FAT1: variants seen among roughly 807,000 people sequenced by gnomAD.
The protein encoded by FAT1 is FAT atypical cadherin 1.
FAT1 carries 171 observed loss-of-function variants against 329.8 expected under a neutral mutation model. That is an observed-to-expected ratio of 0.52 (90% CI 0.46 to 0.59). FAT1 has a LOEUF of 0.59. Ranked by LOEUF, FAT1 falls within the 20% of genes least tolerant of loss-of-function variation. The pLI, the probability that FAT1 is intolerant of heterozygous loss-of-function variation, is 0.00. For synonymous variants in FAT1, 2,233 were observed against 2,228.6 expected (o/e 1.00, Z -0.06); for missense variants, 5,672 against 5,774.4 (o/e 0.98, Z 0.57).
chr4:186,664,822 G>C (rs1221232544), intron 2 of FAT1, among the ~76,000 whole-genome samples: 3 of 152,156 alleles, frequency 2.0e-5, no homozygotes, highest in Admixed American at 1.3e-4. Context: ...CTCTGGAAAT[G>C]CTGAAGCTCT....
chr4:186,659,380 G>A (rs1742060924), intron 3 of FAT1, among the ~76,000 whole-genome samples: 1 of 152,216 alleles, frequency 6.6e-6, no homozygotes, highest in African/African-American at 2.4e-5. Flanking sequence ...TTCTCTAGCT[G>A]CTGGACGTTT....
rs1205887924 is a variant in FAT1, at chr4:186,618,778, A to G, written c.7808T>C (p.Val2603Ala). 3.1e-6 allele frequency: 5 copies of G among 1,613,986 alleles called. No homozygotes were observed. ...APQFRATKYE[V>A]NIGSSAAKGT... is the part of the protein sequence containing the mutation. ...TTTAGCAGCACTGGACCCGATATTC[A>G]CTTCGTATTTGGTTGCTCGAAATTG... The change falls in exon 10 of 27, where the codon GTG (valine) becomes GCG (alanine). Residue 2603 changes from valine (V) to alanine (A), a missense_variant. By Grantham distance (64) the Val-to-Ala change is moderately conservative (BLOSUM62 0). Coordinates refer to ENST00000441802, the MANE Select transcript of FAT1 (RefSeq NM_005245.4).
chr4:186,680,775 C>A (rs892572428), intron 2 of FAT1, among the ~76,000 whole-genome samples: 1 of 152,188 alleles, frequency 6.6e-6, no homozygotes, highest in Non-Finnish European at 1.5e-5. Context: ...GAATCAAAGC[C>A]ATAACTGGAA....
chr4:186,698,048 TGGCAGAAAA>T (rs1359902488), intron 2 of FAT1, among the ~76,000 whole-genome samples: 2 of 152,156 alleles, frequency 1.3e-5, no homozygotes, highest in Non-Finnish European at 2.9e-5. Context: ...GCGTCCAGGG[TGGCAGAAAA>T]GAAGCTTCGC....
chr4:186,641,485 A>T (rs1741092051), intron 3 of FAT1, among the ~76,000 whole-genome samples: 3 of 152,204 alleles, frequency 2.0e-5, no homozygotes, highest in Non-Finnish European at 4.4e-5. Flanking sequence ...TTAGTCCCAC[A>T]TCTAATTATT....
intron 14 of FAT1, 126 bp from the exon 15 acceptor site, chr4:186,610,141 GTA>G: frequency 1.7e-6 from 1 of 601,816 alleles, no homozygotes; most frequent in South Asian, 2.1e-5. Context: ...TACCATTTAC[GTA>G]TGTTTCCTAT....
At chr4:186,686,432 A>T (rs1467440592) in intron 2 of FAT1, among the ~76,000 whole-genome samples, 1 of 152,158 alleles carries the variant, frequency 6.6e-6, no homozygotes, top group African/African-American at 2.4e-5. Context: ...CTTTTTTCCA[A>T]GGGCTCAATG....
intron 3 of FAT1, among the ~76,000 whole-genome samples, chr4:186,662,013 C>G (rs372717571): frequency 1.4e-5 from 2 of 144,216 alleles, no homozygotes; most frequent in East Asian, 2.1e-4. Flanking sequence ...TCCTCCCCCC[C>G]GCCCCCCGGC....
chr4:186,718,451 G>A (rs1745315901), intron 1 of FAT1, among the ~76,000 whole-genome samples: 1 of 152,110 alleles, frequency 6.6e-6, no homozygotes, highest in Admixed American at 6.5e-5. Context: ...GGCAGATCAT[G>A]AGGTCAAGAG....
At chr4:186,592,164 G>A (rs1468265506) in intron 26 of FAT1, among the ~76,000 whole-genome samples, 1 of 152,120 alleles carries the variant, frequency 6.6e-6, no homozygotes, top group Non-Finnish European at 1.5e-5. Flanking sequence ...AAAATAATTT[G>A]GGGAAGGTGC....
chr4:186,614,131 A>G, intron 12 of FAT1, 60 bp downstream of exon 12: 1 of 1,398,146 alleles, frequency 7.2e-7, no homozygotes, highest in Non-Finnish European at 9.6e-7. Flanking sequence ...ATCTAAAATC[A>G]CCCACATATA....
chr4:186,702,318 G>T (rs1744369634), intron 2 of FAT1, among the ~76,000 whole-genome samples: 1 of 152,174 alleles, frequency 6.6e-6, no homozygotes, highest in Non-Finnish European at 1.5e-5. Flanking sequence ...CCAGGATTGG[G>T]ATGCTAAAAG....
chr4:186,685,355 T>C (rs1457823411), intron 2 of FAT1, among the ~76,000 whole-genome samples: 2 of 152,196 alleles, frequency 1.3e-5, no homozygotes, highest in Non-Finnish European at 2.9e-5. Flanking sequence ...AAGAGCAACT[T>C]AGCCAAACCC....
chr4:186,697,426 G>A (rs530600721), intron 2 of FAT1, among the ~76,000 whole-genome samples: 4 of 152,322 alleles, frequency 2.6e-5, no homozygotes, highest in East Asian at 1.9e-4. Flanking sequence ...CATGCTCTCC[G>A]AGGGATGATG....
At chr4:186,703,727 G>A (rs567761576) in intron 2 of FAT1, among the ~76,000 whole-genome samples, 18 of 152,336 alleles carry the variant, frequency 1.2e-4, no homozygotes, top group African/African-American at 3.1e-4. Flanking sequence ...GGCCTGGGCC[G>A]GGTGCACGCC....
chr4:186,668,520 A>G (rs1742571533), intron 2 of FAT1, among the ~76,000 whole-genome samples: 2 of 152,188 alleles, frequency 1.3e-5, no homozygotes, highest in African/African-American at 4.8e-5. Context: ...TCCAGAGTGA[A>G]GGACTTCCTT....
At chr4:186,625,829 G>A (rs954296353) in intron 9 of FAT1, among the ~76,000 whole-genome samples, 38 of 152,178 alleles carry the variant, frequency 2.5e-4, no homozygotes, top group Non-Finnish European at 4.7e-4. Flanking sequence ...TGTTTCTATC[G>A]GGGTGGAACT....
intron 1 of FAT1, among the ~76,000 whole-genome samples, chr4:186,713,041 A>G (rs1461596826): frequency 1.3e-5 from 2 of 151,874 alleles, no homozygotes; most frequent in Non-Finnish European, 1.5e-5. Context: ...AAAAGTTGCA[A>G]AGAGAGCTTC....
chr4:186,713,532 T>C (rs925135284), intron 1 of FAT1, among the ~76,000 whole-genome samples: 1 of 152,198 alleles, frequency 6.6e-6, no homozygotes, highest in Non-Finnish European at 1.5e-5. Flanking sequence ...CCCCTCCCTG[T>C]ACTGTATTCT....
Sources: gnomAD v4.1 joint callset for allele counts (sites outside exome capture counted in the v4.1 genomes callset) on GRCh38, gnomAD v4.1.1 for gene constraint, MANE v1.5 for transcripts, NCBI Gene and HGNC (gene_info 2026-07-23, HGNC 2026-07-21) for gene names.